Variants in SMG7 observed in about 807,000 individuals in gnomAD.
The protein encoded by SMG7 is nonsense-mediated mRNA decay factor SMG7.
In SMG7, 34 loss-of-function variants were observed where a neutral mutation model predicts 148.2. The ratio of observed to expected loss-of-function variants is 0.23; its 90% CI spans 0.17 to 0.31. The LOEUF (loss-of-function observed/expected upper bound fraction) is 0.31, where lower values mean the gene tolerates loss of function less well. SMG7 is among the 10% of genes least tolerant of loss of function. SMG7 has a pLI of 1.00. For synonymous variants in SMG7, 492 were observed against 515.1 expected, an observed-to-expected ratio of 0.96 and a Z score of 0.61; for missense variants, 1,114 against 1,408.4, an observed-to-expected ratio of 0.79 and a Z score of 3.35.
intron 1 of SMG7, among the ~76,000 whole-genome samples, chr1:183,493,970 C>G (rs1389003283): frequency 6.6e-6 from 1 of 151,958 alleles, no homozygotes. Flanking sequence ...TCTCTATTCC[C>G]TGTTTCTGTT....
intron 2 of SMG7, among the ~76,000 whole-genome samples, chr1:183,514,933 AG>A (rs1208835801): frequency 6.6e-6 from 1 of 152,246 alleles, no homozygotes; most frequent in Non-Finnish European, 1.5e-5. Context: ...GCAAACCTAA[AG>A]AAGAGTGATG....
At chr1:183,507,028 G>A (rs1015772286) in intron 1 of SMG7, among the ~76,000 whole-genome samples, 1 of 151,844 alleles carries the variant, frequency 6.6e-6, no homozygotes, top group African/African-American at 2.4e-5. Context: ...ACGGGTACAT[G>A]CCACCACGCC....
At chr1:183,530,833 T>C (rs1164917182) in intron 8 of SMG7, among the ~76,000 whole-genome samples, 1 of 152,066 alleles carries the variant, frequency 6.6e-6, no homozygotes. Context: ...CCAGCTCTGG[T>C]TCTGTGAAAT....
chr1:183,512,135 T>TA (rs1662286747), intron 1 of SMG7, among the ~76,000 whole-genome samples: 1 of 152,100 alleles, frequency 6.6e-6, no homozygotes, highest in Non-Finnish European at 1.5e-5. Context: ...TTGGACATGT[T>TA]AAAATGCTGA....
At chr1:183,511,276 G>A (rs1261479413) in intron 1 of SMG7, among the ~76,000 whole-genome samples, 1 of 152,178 alleles carries the variant, frequency 6.6e-6, no homozygotes, top group Non-Finnish European at 1.5e-5. Flanking sequence ...ACAAGGAGTT[G>A]TGATGAGCAT....
intron 17 of SMG7, among the ~76,000 whole-genome samples, chr1:183,546,845 G>A (rs1670006791): frequency 1.3e-5 from 2 of 152,146 alleles, no homozygotes; most frequent in Admixed American, 1.3e-4. Flanking sequence ...CCATAGCATT[G>A]TTTTACTCAC....
At chr1:183,502,808 C>A (rs1016415784) in intron 1 of SMG7, among the ~76,000 whole-genome samples, 1 of 152,044 alleles carries the variant, frequency 6.6e-6, no homozygotes, top group South Asian at 2.1e-4. Flanking sequence ...TGTATGTCAG[C>A]GTGGATGCAA....
rs138085168 is a variant in SMG7, at chr1:183,535,930, G to A, written c.1164-1215G>A. On this transcript the variant is annotated intron_variant, in intron 10 of 22. Transcript: ENST00000688051. ...ACATCTCCAAAGGTTTGTAGCAGACGTTTATTCTTCAATATTTGTTTATAT... is the reference window on the plus strand; with the variant it reads ...ACATCTCCAAAGGTTTGTAGCAGACATTTATTCTTCAATATTTGTTTATAT... 5.7e-4 allele frequency among the ~76,000 whole-genome samples: 86 copies of A among 151,964 alleles called. 1 individual carries two copies. Among genetic ancestry groups the A allele is most frequent in the African/African-American group, 1.9e-3 (80 of 41,498 alleles).
chr1:183,474,163 A>G (rs900303461), intron 1 of SMG7, among the ~76,000 whole-genome samples: 1 of 152,224 alleles, frequency 6.6e-6, no homozygotes, highest in African/African-American at 2.4e-5. Context: ...TGTAGGTGCT[A>G]TAGAGAGATG....
chr1:183,539,182 A>G (rs1347930971), intron 12 of SMG7, among the ~76,000 whole-genome samples: 3 of 151,844 alleles, frequency 2.0e-5, no homozygotes, highest in East Asian at 3.9e-4. Flanking sequence ...GGCCAACCTG[A>G]CTGACTCCAC....
intron 16 of SMG7, 84 bp from the exon 17 acceptor site, chr1:183,545,882 A>G: frequency 6.8e-7 from 1 of 1,474,172 alleles, no homozygotes; most frequent in African/African-American, 1.4e-5. Flanking sequence ...AAAACACCCC[A>G]AGTTCATTCT....
At chr1:183,543,159 C>T (rs1039707274) in intron 14 of SMG7, among the ~76,000 whole-genome samples, 4 of 151,632 alleles carry the variant, frequency 2.6e-5, no homozygotes, top group Non-Finnish European at 5.9e-5. Context: ...ATATATTTTC[C>T]CAAATAGAAA....
rs1244149721 is a variant in SMG7, at chr1:183,547,240, A to G, written c.2880A>G (p.Gly960=). The G allele has an allele frequency of 1.3e-6, 2 of 1,549,598 alleles. No individual in the cohort carries two copies. The highest frequency in any genetic ancestry group is 1.2e-5 in the South Asian group (1 of 83,998). ...TGGGGCCTCTCGCCTCTCTTCCTGG[A>G]CGAAGCCTTTTTGTATGTATTTGAC... ...ALLGPLASLP[G]RSLFKSLLEK... The change falls in exon 18 of 23, where the codon GGA becomes GGG. Residue 960 remains glycine (G), a synonymous_variant. Transcript: ENST00000688051.
At chr1:183,547,302 T>C in intron 18 of SMG7, 50 bp downstream of exon 18, 1 of 1,488,606 alleles carries the variant, frequency 6.7e-7, no homozygotes, top group Non-Finnish European at 9.1e-7. Flanking sequence ...CAGCTGCTTC[T>C]CTGAGATACT....
intron 1 of SMG7, among the ~76,000 whole-genome samples, chr1:183,511,143 A>C (rs1369486054): frequency 6.6e-6 from 1 of 152,130 alleles, no homozygotes; most frequent in Non-Finnish European, 1.5e-5. Flanking sequence ...TCTCTCAAAA[A>C]AAAAAAAAAT....
chr1:183,499,565 T>C (rs1030463796), intron 1 of SMG7, among the ~76,000 whole-genome samples: 1 of 152,196 alleles, frequency 6.6e-6, no homozygotes, highest in Admixed American at 6.5e-5. Context: ...TCTGTTAAGG[T>C]TTTGGCTCAT....
At chr1:183,521,135 A>G (rs1396542127) in intron 4 of SMG7, among the ~76,000 whole-genome samples, 2 of 149,086 alleles carry the variant, frequency 1.3e-5, no homozygotes, top group African/African-American at 5.0e-5. Flanking sequence ...GCTGGAGTGC[A>G]GTGGCACAAT....
intron 14 of SMG7, 24 bp downstream of exon 14, chr1:183,542,526 G>T: frequency 6.3e-7 from 1 of 1,582,178 alleles, no homozygotes; most frequent in Non-Finnish European, 8.6e-7. Context: ...GAACTATAAA[G>T]CAGGTAGAGG....
intron 18 of SMG7, 124 bp from the exon 19 acceptor site, chr1:183,549,084 G>C: frequency 1.5e-6 from 1 of 679,626 alleles, no homozygotes; most frequent in East Asian, 2.7e-5. Flanking sequence ...CATCTTCTGA[G>C]CCTCAAATTG....
Sources: allele counts gnomAD v4.1 joint callset (sites outside exome capture counted in the v4.1 genomes callset), GRCh38; gene constraint gnomAD v4.1.1; transcripts MANE v1.5; gene names NCBI Gene and HGNC (gene_info 2026-07-23, HGNC 2026-07-21).